PRKCB: variants seen among roughly 807,000 people sequenced by gnomAD.
The protein encoded by PRKCB is protein kinase C beta, also known as protein kinase C beta type.
Under a neutral mutation model 81.5 loss-of-function variants are expected in PRKCB, and 13 were observed. The observed-to-expected ratio is 0.16, with a 90% CI of 0.10 to 0.25. PRKCB has a LOEUF of 0.25. Ranked by LOEUF, PRKCB falls within the 10% of genes least tolerant of loss-of-function variation. PRKCB has a pLI of 1.00. For synonymous variants in PRKCB, 335 were observed against 321.4 expected, an observed-to-expected ratio of 1.04 and a Z score of -0.45; for missense variants, 509 against 875.7, an observed-to-expected ratio of 0.58 and a Z score of 5.29.
chr16:24,163,326 G>A (rs1160338525), intron 10 of PRKCB, among the ~76,000 whole-genome samples: 4 of 152,214 alleles, frequency 2.6e-5, no homozygotes, highest in African/African-American at 7.2e-5. Flanking sequence ...CCTCCCAGGG[G>A]AGGAAACTGG....
At chr16:24,134,548 C>T (rs1473459434) in intron 9 of PRKCB, among the ~76,000 whole-genome samples, 10 of 152,076 alleles carry the variant, frequency 6.6e-5, no homozygotes, top group Admixed American at 6.5e-4. Flanking sequence ...AGTTTGAGAC[C>T]AGCCTGGCCA....
intron 16 of PRKCB, among the ~76,000 whole-genome samples, chr16:24,200,760 T>C (rs1320844834): frequency 6.6e-6 from 1 of 152,122 alleles, no homozygotes; most frequent in African/African-American, 2.4e-5. Context: ...TTTATTAGGA[T>C]CCCACTACCA....
intron 3 of PRKCB, among the ~76,000 whole-genome samples, chr16:24,019,373 C>T (rs4788431): frequency 0.46 from 70,194 of 151,812 alleles, 16,489 homozygotes; most frequent in Middle Eastern, 0.63. Context: ...AAAGGATACA[C>T]ACTTAACTTA....
chr16:23,943,214 G>C (rs1477377753), intron 2 of PRKCB, among the ~76,000 whole-genome samples: 2 of 152,292 alleles, frequency 1.3e-5, no homozygotes, highest in Middle Eastern at 3.4e-3. Flanking sequence ...ATCTACCTTA[G>C]GGTGGTGTTG....
chr16:24,050,466 A>AACACACACACACACAC (rs3051483), intron 5 of PRKCB, among the ~76,000 whole-genome samples: 5 of 149,270 alleles, frequency 3.3e-5, no homozygotes, highest in Non-Finnish European at 7.5e-5. Context: ...GGTTTTATGT[A>AACACACACACACACAC]ACACACACAC....
intron 9 of PRKCB, among the ~76,000 whole-genome samples, chr16:24,152,865 G>A (rs917689479): frequency 1.3e-5 from 2 of 148,618 alleles, no homozygotes; most frequent in African/African-American, 5.0e-5. Flanking sequence ...ATTGTGCTGG[G>A]GAAGAAAGAG....
chr16:24,026,361 T>G (rs1337764919), intron 3 of PRKCB, among the ~76,000 whole-genome samples: 2 of 152,238 alleles, frequency 1.3e-5, no homozygotes, highest in Non-Finnish European at 2.9e-5. Flanking sequence ...CCATTCTTTG[T>G]GCTTCTTGGT....
chr16:24,115,667 T>C (rs996331682), intron 8 of PRKCB, among the ~76,000 whole-genome samples: 43 of 152,066 alleles, frequency 2.8e-4, no homozygotes, highest in African/African-American at 1.0e-3. Flanking sequence ...ATCCCAAAGA[T>C]TTTAGCATTT....
chr16:24,215,646 A>C lies in PRKCB; in HGVS notation c.*830A>C. ...TCTGTTGTTGTTCAAATGCAAAAAA[A>C]AGAAAAAAAAAGAAAAAAAAAGGTG... On this transcript the variant is annotated 3_prime_UTR_variant, in exon 17 of 17. Transcript: ENST00000643927. 1.5e-5 allele frequency: 14 copies of C among 921,128 alleles called. No homozygotes were observed. Among genetic ancestry groups the C allele is most frequent in the Non-Finnish European group, 1.8e-5 (14 of 772,586 alleles). 57.1% of individuals were successfully genotyped at this position (921,128 alleles called of 1,614,324 possible). A position where few individuals can be genotyped will look rare whatever the true frequency, so the allele number is the denominator to read the frequency against.
chr16:24,073,152 C>T (rs1210730415), intron 5 of PRKCB, among the ~76,000 whole-genome samples: 1 of 152,184 alleles, frequency 6.6e-6, no homozygotes, highest in Non-Finnish European at 1.5e-5. Context: ...GGAGCCTTCA[C>T]ATCTACCCCA....
chr16:24,148,164 G>A (rs1314691100), intron 9 of PRKCB, among the ~76,000 whole-genome samples: 3 of 152,190 alleles, frequency 2.0e-5, no homozygotes. Flanking sequence ...AGGAAGCACT[G>A]TTCTTTTCCC....
At chr16:24,047,147 G>C (rs1965777211) in intron 5 of PRKCB, among the ~76,000 whole-genome samples, 1 of 151,620 alleles carries the variant, frequency 6.6e-6, no homozygotes, top group South Asian at 2.1e-4. Context: ...GACCAGCCTG[G>C]TCAACATAGT....
chr16:23,909,567 C>A (rs150510774), intron 2 of PRKCB, among the ~76,000 whole-genome samples: 2 of 152,142 alleles, frequency 1.3e-5, no homozygotes, highest in Non-Finnish European at 2.9e-5. Flanking sequence ...AACCATCACC[C>A]AAATAATGTA....
At chr16:24,077,790 C>T (rs987863436) in intron 5 of PRKCB, among the ~76,000 whole-genome samples, 1 of 152,200 alleles carries the variant, frequency 6.6e-6, no homozygotes, top group Non-Finnish European at 1.5e-5. Flanking sequence ...TAGCCCTTTT[C>T]CCTGACTGTC....
At chr16:24,087,666 C>A (rs1394409461) in intron 5 of PRKCB, among the ~76,000 whole-genome samples, 1 of 152,150 alleles carries the variant, frequency 6.6e-6, no homozygotes, top group African/African-American at 2.4e-5. Context: ...GATATGAAAG[C>A]AGCACAATTA....
chr16:24,110,319 C>T (rs111900301), intron 7 of PRKCB, among the ~76,000 whole-genome samples: 23,583 of 151,246 alleles, frequency 0.16, 2,975 homozygotes, highest in African/African-American at 0.35. Context: ...TCAAGCGATT[C>T]TCCTGTCTCA....
intron 2 of PRKCB, among the ~76,000 whole-genome samples, chr16:23,961,043 T>C (rs1178921284): frequency 6.6e-6 from 1 of 152,238 alleles, no homozygotes; most frequent in Non-Finnish European, 1.5e-5. Flanking sequence ...AATTGGCAGC[T>C]CTTTCTTTTT....
chr16:24,179,607 C>T (rs578010112), intron 12 of PRKCB, among the ~76,000 whole-genome samples: 1 of 152,292 alleles, frequency 6.6e-6, no homozygotes, highest in African/African-American at 2.4e-5. Context: ...AGACCTACAA[C>T]TGTTCCCCAA....
chr16:24,113,424 TTTTC>T, intron 8 of PRKCB, among the ~76,000 whole-genome samples: 2 of 150,634 alleles, frequency 1.3e-5, no homozygotes, highest in Middle Eastern at 6.8e-3. Flanking sequence ...TCATTCTTTC[TTTTC>T]TTTCTCTCTC....
Sources: gnomAD v4.1 joint callset for allele counts (sites outside exome capture counted in the v4.1 genomes callset) on GRCh38, gnomAD v4.1.1 for gene constraint, MANE v1.5 for transcripts, NCBI Gene and HGNC (gene_info 2026-07-23, HGNC 2026-07-21) for gene names.